The following MIER3 variants were observed in gnomAD, a reference collection of about 807,000 sequenced individuals.
MIER3 encodes MIER family member 3.
In MIER3, 9 loss-of-function variants were observed where a neutral mutation model predicts 63.2. The ratio of observed to expected loss-of-function variants is 0.14; its 90% CI spans 0.09 to 0.25. The LOEUF is 0.25. Ranked by LOEUF, MIER3 falls within the 10% of genes least tolerant of loss-of-function variation. The pLI is 1.00. For synonymous variants in MIER3, 205 were observed against 224.9 expected, an observed-to-expected ratio of 0.91 and a Z score of 0.79; for missense variants, 512 against 666.2, an observed-to-expected ratio of 0.77 and a Z score of 2.55.
In MIER3 at chr5:56,928,843, G is replaced by A. The variant is rs1392233404; in HGVS notation, c.848C>T (p.Thr283Met). The change falls in exon 10 of 13, where the codon ACG becomes ATG. Residue 283 changes from threonine (T) to methionine (M), a missense_variant. By Grantham distance (81) the Thr-to-Met change is moderately conservative. Around this residue, in one of 5 missense-constraint regions of MIER3, gnomAD observed 34 missense variants for 86.3 expected, o/e 0.39. Transcript: ENST00000381199. ...KASQEGMTAW[T>M]EEECRSFEHA... ...TTCAAAGCTTCGGCATTCTTCTTCC[G>A]TCCATGCAGTCATTCCTTCTAAGAA... is the stretch of plus-strand genomic sequence containing the variant. 6 of 1,612,608 alleles carry A rather than the reference G, an allele frequency of 3.7e-6. No individual in the cohort carries two copies. Among genetic ancestry groups the A allele is most frequent in the Admixed American group, 1.7e-5 (1 of 59,790 alleles).
intron 3 of MIER3, 83 bp from the exon 4 acceptor site, chr5:56,939,100 G>C: frequency 7.1e-7 from 1 of 1,410,736 alleles, no homozygotes; most frequent in Non-Finnish European, 9.5e-7. Flanking sequence ...CTTAGGTTCA[G>C]AAAGCACATT....
At chr5:56,945,462 C>G (rs978593010) in intron 3 of MIER3, among the ~76,000 whole-genome samples, 2 of 143,670 alleles carry the variant, frequency 1.4e-5, no homozygotes, top group African/African-American at 2.5e-5. Context: ...GTCTTCGTCT[C>G]AAAAAAAAAA....
chr5:56,950,779 C>T, intron 1 of MIER3, 127 bp from the exon 2 acceptor site: 3 of 1,067,464 alleles, frequency 2.8e-6, no homozygotes, highest in Non-Finnish European at 4.2e-6. Flanking sequence ...CAAGACGTAG[C>T]TTCACTCGAA....
chr5:56,931,468 AT>A (rs1750264581), intron 8 of MIER3, among the ~76,000 whole-genome samples: 1 of 152,332 alleles, frequency 6.6e-6, no homozygotes, highest in East Asian at 1.9e-4. Flanking sequence ...CATTATGTGT[AT>A]CAAGACATCA....
intron 1 of MIER3, among the ~76,000 whole-genome samples, chr5:56,951,049 A>G (rs1287117592): frequency 6.6e-6 from 1 of 152,100 alleles, no homozygotes; most frequent in Non-Finnish European, 1.5e-5. Context: ...CTCGAAACGT[A>G]ACACCCTTTT....
chr5:56,928,968 CT>C, intron 9 of MIER3, 107 bp from the exon 10 acceptor site: 4 of 373,612 alleles, frequency 1.1e-5, no homozygotes, highest in Non-Finnish European at 2.2e-5. Context: ...CTCTCTCTCT[CT>C]CACACACACA....
rs905475524 is a variant in MIER3, at chr5:56,921,973, C to G, written c.*1155G>C. The G allele has an allele frequency of 5.2e-5, 8 of 152,608 alleles. No individual in the cohort carries two copies. Among genetic ancestry groups the G allele is most frequent in the African/African-American group, 1.9e-4 (8 of 41,448 alleles). The allele number at this position is 152,608 out of a possible 1,614,324, so 9.5% of individuals were successfully genotyped here. A position where few individuals can be genotyped will look rare whatever the true frequency, so the allele number is the denominator to read the frequency against. On this transcript the variant is annotated 3_prime_UTR_variant, in exon 13 of 13. Coordinates refer to ENST00000381199, the MANE Select transcript of MIER3 (RefSeq NM_001297599.2). ...AAACTGAGTTTGAGATACATCTGAA[C>G]ATCTATCAATTTTTAAAACTTAAAA... is the stretch of plus-strand genomic sequence containing the variant.
At chr5:56,928,997 ACACACACACTCTCTCTCTCTCT>A in intron 9 of MIER3, 136 bp from the exon 10 acceptor site, 1 of 555,668 alleles carries the variant, frequency 1.8e-6, no homozygotes, top group Admixed American at 3.1e-5. Flanking sequence ...TCTCTCACAC[ACACACACACTCTCTCTCTCTCT>A]CTCTCTCTGT....
intron 1 of MIER3, 61 bp from the exon 2 acceptor site, chr5:56,950,713 G>A: frequency 1.3e-6 from 2 of 1,590,090 alleles, no homozygotes; most frequent in African/African-American, 1.3e-5. Context: ...AGGCAGCGCC[G>A]GCAACAGGGC....
intron 10 of MIER3, among the ~76,000 whole-genome samples, chr5:56,924,572 G>A (rs751101615): frequency 1.5e-4 from 23 of 152,172 alleles, no homozygotes; most frequent in African/African-American, 3.9e-4. Context: ...ATGGACCAAC[G>A]GTCTACAGCA....
rs1388973259 is a variant in MIER3 at position 56,939,010 on chromosome 5, G to A, written c.188C>T (p.Thr63Ile). ...SEIEDLEKEG[T>I]MPLEDLLAFY... ...TGCCAGTAAATCTTCTAGAGGCATG[G>A]TTCCTTCCTGTTCAAGCCAGGGCAT... is the stretch of plus-strand genomic sequence containing the variant. The change falls in exon 4 of 13, where the codon ACC becomes ATC. Residue 63 changes from threonine (T) to isoleucine (I), a missense_variant. Around this residue, in one of 5 missense-constraint regions of MIER3, gnomAD observed 98 missense variants for 107.4 expected, o/e 0.91. Coordinates refer to ENST00000381199, the MANE Select transcript of MIER3 (RefSeq NM_001297599.2). 2 of 1,614,036 alleles carry A rather than the reference G, an allele frequency of 1.2e-6. No homozygotes were observed. The highest frequency in any genetic ancestry group is 2.2e-5 in the South Asian group (2 of 91,076).
At chr5:56,928,954 A>C (rs1253126589) in intron 9 of MIER3, 93 bp from the exon 10 acceptor site, 4 of 644,138 alleles carry the variant, frequency 6.2e-6, no homozygotes, top group East Asian at 5.6e-5. Context: ...AAAGGTCACA[A>C]ACTCTCTCTC....
Position 56,950,668 on chromosome 5 carries a change from G to A in MIER3, c.10-16C>T. 1 of 1,611,658 alleles carries A rather than the reference G, an allele frequency of 6.2e-7. No individual in the cohort carries two copies. The highest frequency in any genetic ancestry group is 8.5e-7 in the Non-Finnish European group (1 of 1,178,482). Reference sequence around the variant, plus strand: ...CAAAAGAAGCCTAGGAGAGAGAGAAGAAAACGTGAGGTTAGATCGCACAGC... The same window carrying A: ...CAAAAGAAGCCTAGGAGAGAGAGAAAAAAACGTGAGGTTAGATCGCACAGC... On this transcript the variant is annotated splice_polypyrimidine_tract_variant and intron_variant, in intron 1 of 12. Coordinates refer to ENST00000381199, the MANE Select transcript of MIER3 (RefSeq NM_001297599.2).
intron 3 of MIER3, among the ~76,000 whole-genome samples, chr5:56,944,795 A>G (rs923613619): frequency 1.3e-5 from 2 of 152,126 alleles, no homozygotes; most frequent in African/African-American, 4.8e-5. Flanking sequence ...GGGATGATCA[A>G]GTGATCCTCC....
At chr5:56,950,449 A>AAAC (rs34804097) in intron 2 of MIER3, among the ~76,000 whole-genome samples, 179 bp downstream of exon 2, 49,535 of 151,924 alleles carry the variant, frequency 0.33, 8,745 homozygotes, top group East Asian at 0.54. Context: ...ATGCAAGAGA[A>AAAC]AACAAAGAAC....
chr5:56,937,578 A>G lies in MIER3; in HGVS notation c.436T>C (p.Ser146Pro), dbSNP rs373122531. ...ATCAGTAATCCACTGGGTTTCTTAC[A>G]TCGTAAAGGCCTAGGGAAGAAATCA... ...TSDFFPRPLR[S>P]NTACDGDKES... Residue 146 changes from serine to proline, a missense_variant and splice_region_variant, in exon 5 of 13, where the codon TCA becomes CCA. This residue lies in a region of MIER3 where 44 missense variants were observed against 87.6 expected (regional missense o/e 0.50). Transcript: ENST00000381199. 2.5e-6 allele frequency: 4 copies of G among 1,602,756 alleles called. No homozygotes were observed. The Admixed American group carries it at 5.1e-5, about 21-fold the overall frequency.
In MIER3 at chr5:56,923,574, T is replaced by C; in HGVS notation, c.1207A>G (p.Ser403Gly). 2 of 1,612,886 alleles carry C rather than the reference T, an allele frequency of 1.2e-6. No individual in the cohort carries two copies. Among genetic ancestry groups the C allele is most frequent in the Non-Finnish European group, 1.7e-6 (2 of 1,179,034 alleles). The change falls in exon 13 of 13, where the codon AGT becomes GGT. Residue 403 changes from serine to glycine, a missense_variant. Ser to Gly is a moderately conservative substitution (Grantham distance 56). Coordinates refer to ENST00000381199, the MANE Select transcript of MIER3 (RefSeq NM_001297599.2). ...TASDLTALTN[S>G]VATVCDPTDV... ...GTGGGGTCGCAGACGGTTGCTACACTGTTGGTCAAAGCTAAAAAGGAATGG... is the reference window on the plus strand; with the variant it reads ...GTGGGGTCGCAGACGGTTGCTACACCGTTGGTCAAAGCTAAAAAGGAATGG...
At position 56,921,538 on chromosome 5, in the gene MIER3, A is replaced by G. The variant is rs995600708; in HGVS notation, c.*1590T>C. On this transcript the variant is annotated 3_prime_UTR_variant, in exon 13 of 13. Coordinates refer to ENST00000381199, the MANE Select transcript of MIER3 (RefSeq NM_001297599.2). ...GCGTAAACACTTCAAAGCAATCTTC[A>G]TTAAAATGCTGCAAAGAAAAACAAG... is the stretch of plus-strand genomic sequence containing the variant. 2 of 152,654 alleles carry G rather than the reference A, an allele frequency of 1.3e-5. No individual in the cohort carries two copies. The highest frequency in any genetic ancestry group is 4.8e-5 in the African/African-American group (2 of 41,460). 9.5% of individuals were successfully genotyped at this position (152,654 alleles called of 1,614,324 possible). A position where few individuals can be genotyped will look rare whatever the true frequency, so the allele number is the denominator to read the frequency against.
chr5:56,950,609 G>C lies in MIER3; in HGVS notation c.34+19C>G. 1.2e-6 allele frequency: 2 copies of C among 1,613,838 alleles called. No individual in the cohort carries two copies. The highest frequency in any genetic ancestry group is 1.7e-6 in the Non-Finnish European group (2 of 1,179,816). On this transcript the variant is annotated intron_variant, in intron 2 of 12. Transcript: ENST00000381199. ...TTACCCACTGGGAACCACCGAAGAC[G>C]TAAGAAAATAGGACAAACCTGGGCT... is the stretch of plus-strand genomic sequence containing the variant.
Sources: allele counts gnomAD v4.1 joint callset (sites outside exome capture counted in the v4.1 genomes callset), GRCh38; gene constraint gnomAD v4.1.1; regional missense constraint gnomAD v4.1.1; transcripts MANE v1.5; gene names NCBI Gene and HGNC (gene_info 2026-07-23, HGNC 2026-07-21).